Variants in LRRC4B observed in about 807,000 individuals in gnomAD.
LRRC4B encodes leucine rich repeat containing 4B.
A neutral mutation model predicts 7.3 loss-of-function variants in LRRC4B; 1 was observed. The observed-to-expected ratio is 0.14, with a 90% CI of 0.05 to 0.65. The LOEUF is 0.65. Among genes scored for constraint, LRRC4B ranks in the 30% least tolerant of loss-of-function variants. LRRC4B has a pLI of 0.84. For synonymous variants in LRRC4B, 500 were observed against 499.2 expected (o/e 1.00, Z -0.02); for missense variants, 730 against 1,041.6 (o/e 0.70, Z 4.12).
intron 1 of LRRC4B, among the ~76,000 whole-genome samples, chr19:50,549,851 T>C (rs1981978603): frequency 6.6e-6 from 1 of 151,708 alleles, no homozygotes. Context: ...GGACCGAGCT[T>C]GGTTCTCGGG....
In LRRC4B at chr19:50,518,568, T is replaced by C. The variant is rs1455046466; in HGVS notation, c.1145A>G (p.Glu382Gly). The C allele has an allele frequency of 6.3e-7, 1 of 1,590,964 alleles. No homozygotes were observed. Among genetic ancestry groups the C allele is most frequent in the Non-Finnish European group, 8.6e-7 (1 of 1,166,112 alleles). ...DLNVTEGMAA[E>G]LKCRTGTSMT... is the part of the protein sequence containing the mutation. ...GGAGGTGCCCGTGCGGCATTTGAGC[T>C]CGGCAGCCATGCCCTCGGTGACGTT... Residue 382 changes from glutamate to glycine, a missense_variant, in exon 3 of 3, where the codon GAG becomes GGG. Glu to Gly is a moderately conservative substitution (Grantham distance 98). Transcript: ENST00000652263.
At chr19:50,551,895 G>A (rs1982083138) in intron 1 of LRRC4B, among the ~76,000 whole-genome samples, 2 of 148,136 alleles carry the variant, frequency 1.4e-5, no homozygotes, top group African/African-American at 5.0e-5. Context: ...CTCTCCTTCT[G>A]AACGGGGAGG....
chr19:50,541,304 G>A (rs1981536395), intron 2 of LRRC4B, among the ~76,000 whole-genome samples: 1 of 148,204 alleles, frequency 6.7e-6, no homozygotes, highest in Non-Finnish European at 1.5e-5. Flanking sequence ...GGCGGAGGTT[G>A]CAGTGAGCCA....
At chr19:50,557,263 T>C (rs1982309159) in intron 1 of LRRC4B, among the ~76,000 whole-genome samples, 1 of 152,082 alleles carries the variant, frequency 6.6e-6, no homozygotes, top group Admixed American at 6.6e-5. Flanking sequence ...CAGAAGAGGA[T>C]GTGGGGCGGG....
At chr19:50,541,439 C>A (rs1981547097) in intron 2 of LRRC4B, among the ~76,000 whole-genome samples, 1 of 151,766 alleles carries the variant, frequency 6.6e-6, no homozygotes, top group African/African-American at 2.4e-5. Flanking sequence ...CTCCTCGACA[C>A]CCCAGTCCAT....
intron 2 of LRRC4B, among the ~76,000 whole-genome samples, chr19:50,521,297 G>A (rs866402515): frequency 1.3e-5 from 2 of 152,146 alleles, no homozygotes; most frequent in Non-Finnish European, 2.9e-5. Flanking sequence ...GGAAGGGCAT[G>A]AGAGAGCTTT....
At chr19:50,520,262 A>C (rs1252451407) in intron 2 of LRRC4B, among the ~76,000 whole-genome samples, 1 of 131,760 alleles carries the variant, frequency 7.6e-6, no homozygotes, top group Non-Finnish European at 1.6e-5. Flanking sequence ...AAAAGAAAAG[A>C]AAAATGAACA....
At chr19:50,542,584 C>A (rs1981599875) in intron 2 of LRRC4B, among the ~76,000 whole-genome samples, 1 of 146,552 alleles carries the variant, frequency 6.8e-6, no homozygotes. Context: ...TCAAGCTATT[C>A]TCCTTCCTCA....
At chr19:50,541,190 AAAAAG>A (rs545699363) in intron 2 of LRRC4B, among the ~76,000 whole-genome samples, 1 of 150,386 alleles carries the variant, frequency 6.6e-6, no homozygotes, top group Non-Finnish European at 1.5e-5. Context: ...TCTCAAAAAA[AAAAAG>A]AAAAGAAAAG....
intron 2 of LRRC4B, among the ~76,000 whole-genome samples, chr19:50,524,763 TG>T (rs1980727226): frequency 6.6e-6 from 1 of 152,198 alleles, no homozygotes; most frequent in South Asian, 2.1e-4. Context: ...ACCCAACATG[TG>T]TTTTACACCC....
chr19:50,541,672 G>A (rs144892100), intron 2 of LRRC4B, among the ~76,000 whole-genome samples: 270 of 152,286 alleles, frequency 1.8e-3, no homozygotes, highest in African/African-American at 6.3e-3. Context: ...CCTCATAGCC[G>A]GCCCCAGGAG....
chr19:50,543,018 C>A (rs1168232510), intron 2 of LRRC4B, among the ~76,000 whole-genome samples: 2 of 152,154 alleles, frequency 1.3e-5, no homozygotes, highest in East Asian at 3.9e-4. Flanking sequence ...GAGCCACCCC[C>A]CAGAGCTCAC....
Position 50,548,960 on chromosome 19 carries a change from C to T in LRRC4B, c.-35-87G>A, listed in dbSNP as rs1981940286. 1.4e-6 allele frequency: 1 copy of T among 693,522 alleles called. No homozygotes were observed. Among genetic ancestry groups the T allele is most frequent in the Admixed American group, 3.1e-5 (1 of 32,702 alleles). The allele number at this position is 693,522 out of a possible 1,614,324, so 43.0% of individuals were successfully genotyped here. A position where few individuals can be genotyped will look rare whatever the true frequency, so the allele number is the denominator to read the frequency against. ...GTGCTTGCCAACACCCAGGCAGCCC[C>T]ATCGCCGCCTCCCTGCCCCATGCCC... On this transcript the variant is annotated intron_variant, in intron 1 of 2. Coordinates refer to ENST00000652263, the MANE Select transcript of LRRC4B (RefSeq NM_001080457.2). The surrounding 1 kb of genome is among the most constrained non-coding windows in gnomAD (Gnocchi z 6.8).
At chr19:50,520,367 T>C (rs1296200) in intron 2 of LRRC4B, among the ~76,000 whole-genome samples, 117,391 of 151,702 alleles carry the variant, frequency 0.77, 46,224 homozygotes, top group African/African-American at 0.93. Context: ...TGGTGGCTAA[T>C]GCCTGTAATG....
At chr19:50,552,515 A>G (rs1415227714) in intron 1 of LRRC4B, among the ~76,000 whole-genome samples, 1 of 151,868 alleles carries the variant, frequency 6.6e-6, no homozygotes, top group Non-Finnish European at 1.5e-5. Flanking sequence ...TCTGCAGGGC[A>G]GCCACGTTCA....
At chr19:50,561,747 A>C (rs929338785) in intron 1 of LRRC4B, among the ~76,000 whole-genome samples, 3 of 151,960 alleles carry the variant, frequency 2.0e-5, no homozygotes, top group African/African-American at 7.3e-5. Flanking sequence ...CCCAACTCCA[A>C]AAGTCTAACC....
chr19:50,522,655 T>C (rs537053418), intron 2 of LRRC4B, among the ~76,000 whole-genome samples: 2 of 152,212 alleles, frequency 1.3e-5, no homozygotes, highest in Middle Eastern at 6.8e-3. Context: ...TTTTTGTATT[T>C]TTAGTAGAGA....
intron 1 of LRRC4B, among the ~76,000 whole-genome samples, chr19:50,552,936 C>G (rs533530587): frequency 6.6e-6 from 1 of 152,356 alleles, no homozygotes; most frequent in Non-Finnish European, 1.5e-5. Context: ...GGTTTGAGTC[C>G]TGACTCTGCT....
At chr19:50,533,056 A>G (rs1981123181) in intron 2 of LRRC4B, among the ~76,000 whole-genome samples, 1 of 152,134 alleles carries the variant, frequency 6.6e-6, no homozygotes, top group South Asian at 2.1e-4. Flanking sequence ...TGTGTTTGTC[A>G]TCATTTTTAC....
Sources: allele counts gnomAD v4.1 joint callset (sites outside exome capture counted in the v4.1 genomes callset), GRCh38; gene constraint gnomAD v4.1.1; non-coding constraint Gnocchi (gnomAD v3.1); transcripts MANE v1.5; gene names NCBI Gene and HGNC (gene_info 2026-07-23, HGNC 2026-07-21).